Variants in ZNF683 observed in about 807,000 individuals in gnomAD.
The protein encoded by ZNF683 is tissue-resident T-cell transcription regulator protein ZNF683.
In ZNF683, 20 loss-of-function variants were observed where a neutral mutation model predicts 31.4. The observed-to-expected ratio is 0.64, with a 90% CI of 0.45 to 0.93. The LOEUF is 0.93. Among genes scored for constraint, ZNF683 ranks in the 40% least tolerant of loss-of-function variants. The pLI is 0.00. For synonymous variants in ZNF683, 264 were observed against 267.6 expected (o/e 0.99, Z 0.13); for missense variants, 621 against 637.2 (o/e 0.97, Z 0.27).
In ZNF683 at chr1:26,370,549, C is replaced by T. The variant is rs1021423324; in HGVS notation, c.-14-1964G>A. ...CCCTCAGACCCTAAGACCCTCACTC[C>T]AGTGTCTCAGCCCTCTAAAACCCCT... On this transcript the variant is annotated intron_variant, in intron 1 of 5. Transcript: ENST00000349618. 4 of 671,844 alleles carry T rather than the reference C, an allele frequency of 6.0e-6. No individual in the cohort carries two copies. The African/African-American group carries it at 7.9e-5, about 13-fold the overall frequency. The allele number at this position is 671,844 out of a possible 1,614,324, so 41.6% of individuals were successfully genotyped here.
chr1:26,366,626 C>T (rs1379986499), intron 3 of ZNF683, among the ~76,000 whole-genome samples: 2 of 151,962 alleles, frequency 1.3e-5, no homozygotes, highest in East Asian at 1.9e-4. Flanking sequence ...AGGGCAGAAC[C>T]GAGACTCCAA....
chr1:26,368,506 C>T lies in ZNF683; in HGVS notation c.66G>A (p.Gly22=), dbSNP rs535324753. 82 of 1,605,300 alleles carry T rather than the reference C, an allele frequency of 5.1e-5. No homozygotes were observed. In the South Asian group the frequency reaches 7.6e-4, roughly 15 times the overall value. The change falls in exon 2 of 6, where the codon GGG becomes GGA. Residue 22 remains glycine, a synonymous_variant. Coordinates refer to ENST00000349618, the MANE Select transcript of ZNF683 (RefSeq NM_001114759.3). The part of the protein sequence containing the change: ...CHRPMALGGT[G]GSLSPSLDFQ... Reference sequence around the variant, plus strand: ...AGTCCAGGCTGGGGGACAGGGAGCCCCCTGTACCTCCCAGGGCCATGGGCC... The same window carrying T: ...AGTCCAGGCTGGGGGACAGGGAGCCTCCTGTACCTCCCAGGGCCATGGGCC...
intron 1 of ZNF683, among the ~76,000 whole-genome samples, chr1:26,369,459 G>T (rs1246558612): frequency 6.6e-6 from 1 of 151,992 alleles, no homozygotes; most frequent in Admixed American, 6.6e-5. Context: ...CCTGAGGTTG[G>T]GAGTTCAAGA....
Position 26,361,681 on chromosome 1 carries a change from G to A in ZNF683, c.1485C>T (p.Pro495=). Residue 495 remains proline, a synonymous_variant, in exon 6 of 6, where the codon CCC becomes CCT. Transcript: ENST00000349618. ...TGTTCTGGTCCTGCCCCATCACCAGGGGAGTCCCGGCACTGCTCAGGCTCA... is the reference window on the plus strand; with the variant it reads ...TGTTCTGGTCCTGCCCCATCACCAGAGGAGTCCCGGCACTGCTCAGGCTCA... ...RAVSLSSAGT[P]LVMGQDQNN 4 of 1,613,528 alleles carry A rather than the reference G, an allele frequency of 2.5e-6. No homozygotes were observed. The highest frequency in any genetic ancestry group is 1.1e-5 in the South Asian group (1 of 91,042).
intron 4 of ZNF683, among the ~76,000 whole-genome samples, chr1:26,363,737 GAAAAAAAAA>G (rs61027154): frequency 5.2e-5 from 7 of 134,942 alleles, no homozygotes; most frequent in Non-Finnish European, 9.3e-5. Context: ...ACTCCATATG[GAAAAAAAAA>G]AAAAAAAAAA....
intron 4 of ZNF683, among the ~76,000 whole-genome samples, chr1:26,363,488 G>A (rs559742461): frequency 9.3e-4 from 141 of 152,194 alleles, no homozygotes; most frequent in African/African-American, 3.3e-3. Flanking sequence ...ACTCTGGGAG[G>A]GCTGGGCACA....
chr1:26,370,815 A>T, intron 1 of ZNF683: 1 of 830,560 alleles, frequency 1.2e-6, no homozygotes, highest in Non-Finnish European at 1.5e-6. Flanking sequence ...AAGTGGGGGC[A>T]GGCAGGCTTG....
upstream of ZNF683, among the ~76,000 whole-genome samples, chr1:26,373,022 G>A (rs568939984): frequency 1.2e-3 from 186 of 152,336 alleles, no homozygotes; most frequent in African/African-American, 4.0e-3. Context: ...GTGTGCGTGA[G>A]TCTGGCCCAG....
In ZNF683 at chr1:26,361,939, A is replaced by T; in HGVS notation, c.1227T>A (p.Ser409Arg). Residue 409 changes from serine to arginine, a missense_variant, in exon 6 of 6, where the codon AGT becomes AGA. Physicochemically the swap from Ser to Arg is moderately radical, Grantham distance 110. Transcript: ENST00000349618. ...LHSGARPFQC[S>R]VCRSRFTQHI... ...GCTGGGTGAAGCGACTCCGGCAGAC[A>T]CTGCACTGGAAGGGCCGGGCCCCGG... 1 of 1,613,992 alleles carries T rather than the reference A, an allele frequency of 6.2e-7. No individual in the cohort carries two copies. The highest frequency in any genetic ancestry group is 1.7e-5 in the Admixed American group (1 of 60,026).
At chr1:26,368,342 G>A in intron 2 of ZNF683, 116 bp downstream of exon 2, 3 of 1,265,834 alleles carry the variant, frequency 2.4e-6, no homozygotes, top group Non-Finnish European at 3.1e-6. Context: ...GGGATAGGGG[G>A]TGCTCAGACT....
intron 4 of ZNF683, 33 bp downstream of exon 4, chr1:26,364,499 T>C: frequency 6.2e-7 from 1 of 1,610,962 alleles, no homozygotes; most frequent in East Asian, 2.2e-5. Flanking sequence ...TGAAGGATGT[T>C]GAGGGGAGAA....
chr1:26,370,643 C>T (rs1456026354), intron 1 of ZNF683: 9 of 985,720 alleles, frequency 9.1e-6, no homozygotes, highest in Admixed American at 6.1e-5. Context: ...CATGGACCCC[C>T]GAAGGGCTGC....
chr1:26,362,228 G>A, intron 5 of ZNF683: 4 of 1,540,794 alleles, frequency 2.6e-6, no homozygotes, highest in Non-Finnish European at 3.5e-6. Flanking sequence ...CTCCATGTGT[G>A]ACCTTGTAAA....
chr1:26,363,197 C>T (rs1557733148), intron 4 of ZNF683, 43 bp from the exon 5 acceptor site: 38 of 1,577,336 alleles, frequency 2.4e-5, no homozygotes, highest in Non-Finnish European at 3.2e-5. Context: ...GCCCAGCACC[C>T]CTAGCAGGGC....
At chr1:26,368,324 A>G in intron 2 of ZNF683, 134 bp downstream of exon 2, 1 of 1,094,360 alleles carries the variant, frequency 9.1e-7, no homozygotes, top group Non-Finnish European at 1.2e-6. Context: ...CATCCCTATG[A>G]TGTGCCTGGG....
intron 4 of ZNF683, 95 bp from the exon 5 acceptor site, chr1:26,363,249 C>T (rs2074430830): frequency 3.5e-6 from 5 of 1,426,534 alleles, no homozygotes; most frequent in Middle Eastern, 1.9e-4. Context: ...TCTCTCCCTC[C>T]CCGTCATCTC....
At chr1:26,363,647 C>T (rs1382054308) in intron 4 of ZNF683, among the ~76,000 whole-genome samples, 1 of 151,118 alleles carries the variant, frequency 6.6e-6, no homozygotes, top group African/African-American at 2.4e-5. Context: ...GTTTACCCTT[C>T]GTCCCAGCTA....
At chr1:26,374,190 C>T (rs1053871019), upstream of ZNF683, 164 of 1,272,098 alleles carry the variant, frequency 1.3e-4, no homozygotes, top group African/African-American at 2.5e-4. Flanking sequence ...GCCACAAGCC[C>T]GCCTCCCCTG....
chr1:26,372,311 T>C (rs890552983), intron 1 of ZNF683, among the ~76,000 whole-genome samples: 4 of 152,254 alleles, frequency 2.6e-5, no homozygotes, highest in African/African-American at 9.6e-5. Flanking sequence ...GTCCTCTGTC[T>C]ACTCATTTTG....
Sources: gnomAD v4.1 joint callset for allele counts (sites outside exome capture counted in the v4.1 genomes callset) on GRCh38, gnomAD v4.1.1 for gene constraint, MANE v1.5 for transcripts, NCBI Gene and HGNC (gene_info 2026-07-23, HGNC 2026-07-21) for gene names.